Variants in PCTP observed in about 807,000 individuals in gnomAD.
PCTP encodes START domain-containing protein 2.
A neutral mutation model predicts 31.0 loss-of-function variants in PCTP; 27 were observed. The ratio of observed to expected loss-of-function variants is 0.87; its 90% CI spans 0.64 to 1.20. The LOEUF (loss-of-function observed/expected upper bound fraction) is 1.20. Among genes scored for constraint, PCTP ranks in the 50% most tolerant of loss-of-function variants. PCTP has a pLI of 0.00. For synonymous variants in PCTP, 108 were observed against 101.2 expected, an observed-to-expected ratio of 1.07 and a Z score of -0.40; for missense variants, 287 against 268.2, an observed-to-expected ratio of 1.07 and a Z score of -0.49.
intron 5 of PCTP, among the ~76,000 whole-genome samples, chr17:55,841,695 T>C (rs1241167960): frequency 6.6e-6 from 1 of 152,180 alleles, no homozygotes; most frequent in African/African-American, 2.4e-5. Flanking sequence ...ACAGAGACTA[T>C]CCTGCATTTC....
Position 55,820,391 on chromosome 17 carries a change from A to C in PCTP, c.318-2370A>C, listed in dbSNP as rs143264822. Among the ~76,000 whole-genome samples the C allele has an allele frequency of 4.9e-4, 75 of 152,306 alleles. 1 individual carries two copies. In the East Asian group the frequency reaches 0.014, roughly 29 times the overall value. On this transcript the variant is annotated intron_variant, in intron 3 of 3. Coordinates refer to the PCTP transcript ENST00000572536. Reference sequence around the variant, plus strand: ...GACATTCAATATCAAGGCACTAGCAAATCTAGGGGCTGGTGAGAGCTGCTC... The same window carrying C: ...GACATTCAATATCAAGGCACTAGCACATCTAGGGGCTGGTGAGAGCTGCTC...
downstream of PCTP, among the ~76,000 whole-genome samples, chr17:55,825,552 G>A (rs989611): frequency 0.15 from 22,497 of 152,178 alleles, 1,705 homozygotes; most frequent in Middle Eastern, 0.23. Flanking sequence ...GGTGACATCT[G>A]AGTAAACTTC....
At position 55,771,100 on chromosome 17, in the gene PCTP, C is replaced by G. The variant is rs749496186; in HGVS notation, c.260-6C>G. The G allele has an allele frequency of 6.2e-6, 10 of 1,610,848 alleles. No homozygotes were observed. Among genetic ancestry groups the G allele is most frequent in the Non-Finnish European group, 8.5e-6 (10 of 1,177,266 alleles). ...AGATGCATTAACTTCTTTTGCTTTC[C>G]TTTAGAACTCTATGAACAAGAATGC... On this transcript the variant is annotated splice_region_variant and splice_polypyrimidine_tract_variant and intron_variant, in intron 2 of 5. Coordinates refer to ENST00000268896, the MANE Select transcript of PCTP (RefSeq NM_021213.4).
chr17:55,771,334 T>C (rs1910997168), intron 3 of PCTP, 149 bp downstream of exon 3: 1 of 657,956 alleles, frequency 1.5e-6, no homozygotes, highest in Middle Eastern at 4.2e-4. Flanking sequence ...GCTAAAGATA[T>C]TGCTTCTTGT....
At chr17:55,827,113 T>C (rs1905425325), downstream of PCTP, among the ~76,000 whole-genome samples, 1 of 152,126 alleles carries the variant, frequency 6.6e-6, no homozygotes, top group South Asian at 2.1e-4. Flanking sequence ...ACTTTGCACT[T>C]TGTCTCACTA....
intron 1 of PCTP, among the ~76,000 whole-genome samples, chr17:55,758,896 AG>A (rs1910189829): frequency 6.6e-6 from 1 of 152,228 alleles, no homozygotes. Flanking sequence ...TTCTGTCTCC[AG>A]GTATAAGCCA....
chr17:55,790,165 G>A lies in PCTP; in HGVS notation c.317+2511G>A, dbSNP rs577072767. Among the ~76,000 whole-genome samples the A allele has an allele frequency of 2.0e-5, 3 of 152,154 alleles. No individual in the cohort carries two copies. The South Asian group carries it at 6.2e-4, about 32-fold the overall frequency. ...GATGGCATGTATCTCAAAATAATAA[G>A]AGCTATCTGTGACAAACCCACAGCC... On this transcript the variant is annotated intron_variant, in intron 3 of 3. Transcript: ENST00000572536.
rs1051110794 is a variant in PCTP at position 55,775,037 on chromosome 17, C to T, written c.579+178C>T. Reference sequence around the variant, plus strand: ...GGGCTGGGGCTGCCAACATCCAAGACGGAGGCTGGGACAAGAGACAAAGAA... The same window carrying T: ...GGGCTGGGGCTGCCAACATCCAAGATGGAGGCTGGGACAAGAGACAAAGAA... On this transcript the variant is annotated intron_variant, in intron 5 of 5. Coordinates refer to ENST00000268896, the MANE Select transcript of PCTP (RefSeq NM_021213.4). 3.9e-5 allele frequency among the ~76,000 whole-genome samples: 6 copies of T among 152,262 alleles called. No homozygotes were observed. In the East Asian group the frequency reaches 5.8e-4, roughly 15 times the overall value.
chr17:55,758,635 T>G (rs1321638386), intron 1 of PCTP, among the ~76,000 whole-genome samples: 1 of 152,212 alleles, frequency 6.6e-6, no homozygotes, highest in Non-Finnish European at 1.5e-5. Context: ...TGAAATTTAC[T>G]TGTGGGCAGA....
At chr17:55,807,616 T>A (rs1912615464) in intron 3 of PCTP, among the ~76,000 whole-genome samples, 2 of 152,204 alleles carry the variant, frequency 1.3e-5, no homozygotes, top group Non-Finnish European at 2.9e-5. Context: ...TAGACCTTCT[T>A]GTTAAAGCTT....
At chr17:55,830,803 G>T (rs562988081) in intron 5 of PCTP, among the ~76,000 whole-genome samples, 1 of 152,310 alleles carries the variant, frequency 6.6e-6, no homozygotes, top group East Asian at 1.9e-4. Context: ...TTGCCATGAT[G>T]AAATCAGATT....
At chr17:55,823,922 C>A (rs761154646), downstream of PCTP, among the ~76,000 whole-genome samples, 1 of 152,198 alleles carries the variant, frequency 6.6e-6, no homozygotes, top group African/African-American at 2.4e-5. Flanking sequence ...CTCCCTATTG[C>A]AGACTGGTTT....
At chr17:55,787,722 A>T (rs1395963099) in intron 3 of PCTP, 1 of 152,190 alleles carries the variant, frequency 6.6e-6, no homozygotes, top group East Asian at 1.9e-4. Flanking sequence ...ACCATCTTGA[A>T]GCCATTATCT....
chr17:55,807,677 T>C (rs1912617217), intron 3 of PCTP, among the ~76,000 whole-genome samples: 1 of 152,182 alleles, frequency 6.6e-6, no homozygotes. Flanking sequence ...TTGGCCTTTA[T>C]AAGTGCCAAC....
intron 3 of PCTP, among the ~76,000 whole-genome samples, chr17:55,788,392 C>T (rs887112641): frequency 6.6e-6 from 1 of 152,082 alleles, no homozygotes; most frequent in Non-Finnish European, 1.5e-5. Flanking sequence ...TGATTAGAGA[C>T]CATATTATTG....
chr17:55,849,996 C>T, the PCTP span, among the ~76,000 whole-genome samples: 21 of 151,972 alleles, frequency 1.4e-4, no homozygotes, highest in Non-Finnish European at 5.9e-5. Context: ...TATATATAAA[C>T]AGTTTAAATA....
At chr17:55,834,901 T>C (rs1905727424) in intron 5 of PCTP, among the ~76,000 whole-genome samples, 2 of 152,166 alleles carry the variant, frequency 1.3e-5, no homozygotes, top group African/African-American at 4.8e-5. Flanking sequence ...CAGCCCCAGG[T>C]ACCTCAGAAT....
intron 3 of PCTP, among the ~76,000 whole-genome samples, chr17:55,815,287 C>CA (rs1301434537): frequency 1.3e-5 from 2 of 151,684 alleles, no homozygotes; most frequent in Admixed American, 1.3e-4. Flanking sequence ...GGAAATAATC[C>CA]AAAAAATGAT....
chr17:55,804,589 C>T (rs11652190), intron 3 of PCTP, among the ~76,000 whole-genome samples: 6,409 of 152,188 alleles, frequency 0.042, 427 homozygotes, highest in African/African-American at 0.14. Context: ...TGGAAACCAT[C>T]ATTCTTAGCA....
Sources: allele counts gnomAD v4.1 joint callset (sites outside exome capture counted in the v4.1 genomes callset), GRCh38; gene constraint gnomAD v4.1.1; transcripts MANE v1.5; gene names NCBI Gene and HGNC (gene_info 2026-07-23, HGNC 2026-07-21).